KCNN2: variants seen among roughly 807,000 people sequenced by gnomAD.
The protein encoded by KCNN2 is small conductance calcium-activated potassium channel protein 2.
A neutral mutation model predicts 55.5 loss-of-function variants in KCNN2; 24 were observed. That is an observed-to-expected ratio of 0.43 (90% confidence interval 0.31 to 0.61). The LOEUF (loss-of-function observed/expected upper bound fraction) is 0.61. Among genes scored for constraint, KCNN2 ranks in the 20% least tolerant of loss-of-function variants. KCNN2 has a pLI of 0.08. For missense variants in KCNN2, 754 were observed against 853.6 expected (o/e 0.88, Z 1.45); for synonymous variants, 431 against 336.1 (o/e 1.28, Z -3.09).
At chr5:114,120,212 C>T (rs528385699) in intron 1 of KCNN2, among the ~76,000 whole-genome samples, 1 of 152,190 alleles carries the variant, frequency 6.6e-6, no homozygotes, top group South Asian at 2.1e-4. Flanking sequence ...GTGCTTCAGG[C>T]TTCAATATGA....
chr5:114,346,148 G>A (rs72799669), intron 2 of KCNN2, among the ~76,000 whole-genome samples: 1 of 152,290 alleles, frequency 6.6e-6, no homozygotes, highest in Non-Finnish European at 1.5e-5. Context: ...GCCAAAGCAG[G>A]AATTGGGGTT....
chr5:114,142,584 C>G (rs576638292), intron 1 of KCNN2, among the ~76,000 whole-genome samples: 1 of 152,274 alleles, frequency 6.6e-6, no homozygotes, highest in African/African-American at 2.4e-5. Context: ...AACAGACAAA[C>G]AGAGAGCCAA....
At chr5:114,337,241 G>A (rs948471066) in intron 2 of KCNN2, among the ~76,000 whole-genome samples, 3 of 152,148 alleles carry the variant, frequency 2.0e-5, no homozygotes, top group African/African-American at 4.8e-5. Flanking sequence ...TATCCCATAG[G>A]TAAGTGGGGG....
At chr5:114,185,838 A>C (rs181739995) in intron 1 of KCNN2, among the ~76,000 whole-genome samples, 1 of 152,228 alleles carries the variant, frequency 6.6e-6, no homozygotes. Flanking sequence ...TGAAATGCTC[A>C]TCAGCTGGTT....
At chr5:114,434,470 G>C (rs369895052) in intron 3 of KCNN2, among the ~76,000 whole-genome samples, 20 of 152,190 alleles carry the variant, frequency 1.3e-4, no homozygotes, top group East Asian at 7.7e-4. Context: ...TACCATATCT[G>C]AGTCAGGTTG....
chr5:114,288,525 C>CACACACACACAT, intron 2 of KCNN2, among the ~76,000 whole-genome samples: 1 of 151,500 alleles, frequency 6.6e-6, no homozygotes, highest in Non-Finnish European at 1.5e-5. Flanking sequence ...CACACACACA[C>CACACACACACAT]ACACATACAC....
At chr5:114,095,843 CACCTGCTGTA>C (rs1174531460) in intron 1 of KCNN2, among the ~76,000 whole-genome samples, 1 of 146,734 alleles carries the variant, frequency 6.8e-6, no homozygotes, top group Non-Finnish European at 1.5e-5. Context: ...TCCATATATG[CACCTGCTGTA>C]TCCTTTGTAC....
At chr5:114,366,178 C>T (rs1475414150) in intron 2 of KCNN2, among the ~76,000 whole-genome samples, 1 of 152,156 alleles carries the variant, frequency 6.6e-6, no homozygotes. Flanking sequence ...TTCAATTATG[C>T]ATATGCACAT....
intron 2 of KCNN2, among the ~76,000 whole-genome samples, chr5:114,308,671 T>C (rs1258846259): frequency 2.0e-5 from 3 of 152,082 alleles, no homozygotes; most frequent in Non-Finnish European, 2.9e-5. Flanking sequence ...GTAATGGTAA[T>C]GAGTATAGTG....
intron 2 of KCNN2, among the ~76,000 whole-genome samples, chr5:114,260,730 T>C (rs969967292): frequency 6.6e-6 from 1 of 152,234 alleles, no homozygotes; most frequent in African/African-American, 2.4e-5. Context: ...TATCCCTTTG[T>C]ATTCCTTGTC....
chr5:114,486,784 A>C, intron 5 of KCNN2: 1 of 1,349,398 alleles, frequency 7.4e-7, no homozygotes. Flanking sequence ...AGTTGAATAA[A>C]AAAGAAGTTT....
At chr5:114,202,876 G>A (rs901960139) in intron 1 of KCNN2, among the ~76,000 whole-genome samples, 1 of 152,000 alleles carries the variant, frequency 6.6e-6, no homozygotes, top group Non-Finnish European at 1.5e-5. Flanking sequence ...GTGAGCCACC[G>A]CACCCAGCTG....
intron 3 of KCNN2, among the ~76,000 whole-genome samples, chr5:114,407,477 ATGTT>A: frequency 6.6e-6 from 1 of 151,576 alleles, no homozygotes; most frequent in South Asian, 2.1e-4. Flanking sequence ...TTCTCTGGAG[ATGTT>A]AATTATGGCT....
intron 1 of KCNN2, among the ~76,000 whole-genome samples, chr5:114,133,995 G>T (rs943435529): frequency 2.0e-5 from 3 of 152,116 alleles, no homozygotes; most frequent in Admixed American, 6.5e-5. Context: ...CAATTATATT[G>T]CTTCTTCTCT....
intron 3 of KCNN2, among the ~76,000 whole-genome samples, chr5:114,414,954 C>G (rs1759260633): frequency 6.6e-6 from 1 of 152,210 alleles, no homozygotes; most frequent in African/African-American, 2.4e-5. Flanking sequence ...CTTTCATCAT[C>G]TCCGTGCCCA....
At chr5:114,078,079 T>C (rs10044188) in intron 1 of KCNN2, among the ~76,000 whole-genome samples, 77,748 of 152,036 alleles carry the variant, frequency 0.51, 21,132 homozygotes, top group East Asian at 0.69. Flanking sequence ...GAGGAGACTA[T>C]CCATTGTGCA....
At chr5:114,323,860 G>A (rs568035982) in intron 2 of KCNN2, among the ~76,000 whole-genome samples, 10 of 151,838 alleles carry the variant, frequency 6.6e-5, no homozygotes, top group African/African-American at 2.4e-4. Flanking sequence ...TGTTGGCCAG[G>A]ATGGTCTTAA....
chr5:114,143,167 A>G (rs1307757657), intron 1 of KCNN2, among the ~76,000 whole-genome samples: 2 of 152,148 alleles, frequency 1.3e-5, no homozygotes, highest in Non-Finnish European at 2.9e-5. Flanking sequence ...ATTAGTAAGA[A>G]ATTTAGGGTC....
intron 1 of KCNN2, among the ~76,000 whole-genome samples, chr5:114,203,888 C>A (rs563080783): frequency 6.6e-6 from 1 of 152,310 alleles, no homozygotes; most frequent in East Asian, 1.9e-4. Context: ...TGGAACGGAT[C>A]ACATGGGTAG....
Sources: gnomAD v4.1 joint callset for allele counts (sites outside exome capture counted in the v4.1 genomes callset) on GRCh38, gnomAD v4.1.1 for gene constraint, MANE v1.5 for transcripts, NCBI Gene and HGNC (gene_info 2026-07-23, HGNC 2026-07-21) for gene names.